Variants in GATB observed in about 807,000 individuals in gnomAD.
GATB encodes glutamyl-tRNA amidotransferase subunit B.
In GATB, 39 loss-of-function variants were observed where a neutral mutation model predicts 62.3. The observed-to-expected ratio is 0.63, with a 90% CI of 0.48 to 0.82. GATB has a LOEUF of 0.82. GATB is among the 40% of genes least tolerant of loss of function. The probability of loss-of-function intolerance (pLI) is 0.00; values close to 1 mark genes in which losing one functional copy is unlikely to be tolerated. For synonymous variants in GATB, 276 were observed against 258.9 expected, an observed-to-expected ratio of 1.07 and a Z score of -0.63; for missense variants, 670 against 684.0, an observed-to-expected ratio of 0.98 and a Z score of 0.23.
chr4:151,688,563 C>T (rs1738298444), intron 10 of GATB, 67 bp downstream of exon 10: 1 of 1,505,450 alleles, frequency 6.6e-7, no homozygotes, highest in Non-Finnish European at 8.9e-7. Context: ...AATGGACCTG[C>T]CCTATTTCCA....
intron 9 of GATB, among the ~76,000 whole-genome samples, chr4:151,700,710 C>G (rs367902948): frequency 6.6e-6 from 1 of 152,114 alleles, no homozygotes; most frequent in African/African-American, 2.4e-5. Context: ...TTTAATGCTG[C>G]CATGACAAAG....
chr4:151,680,213 A>G (rs563708486), intron 10 of GATB, among the ~76,000 whole-genome samples: 5 of 152,150 alleles, frequency 3.3e-5, no homozygotes, highest in Non-Finnish European at 7.4e-5. Context: ...GAACCACAAC[A>G]GGAAAGGGAA....
At chr4:151,677,523 A>G (rs1378119746) in intron 11 of GATB, 1 of 152,220 alleles carries the variant, frequency 6.6e-6, no homozygotes, top group Non-Finnish European at 1.5e-5. Flanking sequence ...ATGACCCAGA[A>G]ATTCCATTCC....
At chr4:151,742,767 A>G (rs1342031907) in intron 2 of GATB, among the ~76,000 whole-genome samples, 1 of 152,166 alleles carries the variant, frequency 6.6e-6, no homozygotes, top group African/African-American at 2.4e-5. Flanking sequence ...TCCCACAAAT[A>G]AAGCCCTGTC....
At chr4:151,674,953 G>GAGCGATTTCTCAGCGCC (rs1737965107) in intron 11 of GATB, 1 of 152,252 alleles carries the variant, frequency 6.6e-6, no homozygotes, top group Admixed American at 6.5e-5. Flanking sequence ...ACAGACCAGG[G>GAGCGATTTCTCAGCGCC]AGCGATTTCT....
intron 10 of GATB, among the ~76,000 whole-genome samples, chr4:151,685,011 C>T (rs796796942): frequency 8.5e-5 from 13 of 152,340 alleles, no homozygotes; most frequent in African/African-American, 3.1e-4. Flanking sequence ...CCATCTGAGG[C>T]AAGTCACCTT....
intron 2 of GATB, among the ~76,000 whole-genome samples, chr4:151,733,972 A>G (rs1739319686): frequency 6.6e-6 from 1 of 152,226 alleles, no homozygotes; most frequent in South Asian, 2.1e-4. Context: ...GCCATCTATG[A>G]CAAACCCACA....
chr4:151,680,998 A>G (rs1026856351), intron 10 of GATB, among the ~76,000 whole-genome samples: 3 of 152,248 alleles, frequency 2.0e-5, no homozygotes, highest in Non-Finnish European at 4.4e-5. Context: ...AATGACATCA[A>G]TAGCACATTA....
chr4:151,732,087 C>T (rs897971971), intron 2 of GATB, among the ~76,000 whole-genome samples: 5 of 145,256 alleles, frequency 3.4e-5, no homozygotes, highest in Non-Finnish European at 3.0e-5. Context: ...CCAGCCGCCC[C>T]GTCCGGGAGG....
intron 1 of GATB, 90 bp from the exon 2 acceptor site, chr4:151,759,012 A>G (rs1296309856): frequency 1.7e-5 from 15 of 887,510 alleles, no homozygotes; most frequent in Admixed American, 2.7e-5. Context: ...TTAATTTCCT[A>G]TATGTGTTTT....
chr4:151,673,252 TGG>T (rs1737913430), intron 11 of GATB: 1 of 143,420 alleles, frequency 7.0e-6, no homozygotes. Context: ...TGACTCCACA[TGG>T]CGGGGGGGGG....
intron 2 of GATB, among the ~76,000 whole-genome samples, chr4:151,726,625 C>T (rs1205540755): frequency 5.3e-5 from 8 of 152,186 alleles, no homozygotes; most frequent in African/African-American, 1.9e-4. Flanking sequence ...AAATAGCCAT[C>T]GCACAGGAAG....
intron 9 of GATB, among the ~76,000 whole-genome samples, chr4:151,693,618 T>A (rs1332623408): frequency 6.6e-6 from 1 of 152,156 alleles, no homozygotes; most frequent in Non-Finnish European, 1.5e-5. Flanking sequence ...ATCACGGGTG[T>A]GTTCTCCCAA....
intron 5 of GATB, 77 bp from the exon 6 acceptor site, chr4:151,708,178 G>A (rs1307721034): frequency 1.1e-6 from 1 of 948,126 alleles, no homozygotes; most frequent in African/African-American, 1.6e-5. Flanking sequence ...GAGTGTCAAA[G>A]GAAGCAGCAT....
intron 2 of GATB, among the ~76,000 whole-genome samples, chr4:151,739,123 T>C (rs1349172726): frequency 6.6e-6 from 1 of 152,264 alleles, no homozygotes; most frequent in East Asian, 1.9e-4. Context: ...TTACGCTTCT[T>C]GCTTCTATAA....
At chr4:151,757,467 ATTTTTTT>A (rs745311470) in intron 2 of GATB, among the ~76,000 whole-genome samples, 5 of 103,820 alleles carry the variant, frequency 4.8e-5, no homozygotes, top group South Asian at 7.0e-4. Flanking sequence ...CAGCTTCCAG[ATTTTTTT>A]TTTTTTTTTT....
intron 12 of GATB, chr4:151,672,550 C>T (rs1039214212): frequency 1.8e-6 from 1 of 554,490 alleles, no homozygotes; most frequent in Non-Finnish European, 3.2e-6. Context: ...GGGTGGCATC[C>T]TTCTTATAGG....
chr4:151,752,215 C>T (rs1739734955), intron 2 of GATB, among the ~76,000 whole-genome samples: 1 of 152,004 alleles, frequency 6.6e-6, no homozygotes, highest in African/African-American at 2.4e-5. Context: ...TTTTTTTCTT[C>T]TCTGTAAGCT....
At chr4:151,709,968 C>G (rs1440780425) in intron 5 of GATB, among the ~76,000 whole-genome samples, 1 of 152,156 alleles carries the variant, frequency 6.6e-6, no homozygotes, top group African/African-American at 2.4e-5. Flanking sequence ...TATACACAAC[C>G]CTGTCTGCTC....
Sources: gnomAD v4.1 joint callset for allele counts (sites outside exome capture counted in the v4.1 genomes callset) on GRCh38, gnomAD v4.1.1 for gene constraint, MANE v1.5 for transcripts, NCBI Gene and HGNC (gene_info 2026-07-23, HGNC 2026-07-21) for gene names.